The following DOCK3 variants were observed in gnomAD, a reference collection of about 807,000 sequenced individuals.
DOCK3 encodes dedicator of cytokinesis protein 3.
Under a neutral mutation model 265.6 loss-of-function variants are expected in DOCK3, and 60 were observed. That is an observed-to-expected ratio of 0.23 (90% CI 0.18 to 0.28). The LOEUF (loss-of-function observed/expected upper bound fraction) is 0.28. DOCK3 is among the 10% of genes least tolerant of loss of function. The pLI, the probability that DOCK3 is intolerant of heterozygous loss-of-function variation, is 1.00. For synonymous variants in DOCK3, 881 were observed against 938.0 expected, an observed-to-expected ratio of 0.94 and a Z score of 1.11; for missense variants, 1,981 against 2,594.3, an observed-to-expected ratio of 0.76 and a Z score of 5.14.
intron 9 of DOCK3, among the ~76,000 whole-genome samples, chr3:51,131,154 T>A (rs927660734): frequency 2.0e-5 from 3 of 152,132 alleles, no homozygotes; most frequent in Non-Finnish European, 2.9e-5. Context: ...CTATGCCAAT[T>A]ACGCATTCAG....
At chr3:51,020,555 C>A (rs532284691) in intron 5 of DOCK3, among the ~76,000 whole-genome samples, 1 of 151,798 alleles carries the variant, frequency 6.6e-6, no homozygotes, top group African/African-American at 2.4e-5. Context: ...TTTGCTGTAT[C>A]CTGGATGTTA....
chr3:50,969,510 G>A (rs960630705), intron 5 of DOCK3, among the ~76,000 whole-genome samples: 1 of 152,118 alleles, frequency 6.6e-6, no homozygotes, highest in South Asian at 2.1e-4. Flanking sequence ...TTTTGTTCCT[G>A]TCATAATGTT....
At chr3:51,155,271 C>T (rs1315286900) in intron 10 of DOCK3, among the ~76,000 whole-genome samples, 2 of 152,148 alleles carry the variant, frequency 1.3e-5, no homozygotes, top group Non-Finnish European at 2.9e-5. Context: ...CTGTACCCAG[C>T]CCAGCCCTGC....
chr3:51,271,043 C>T, intron 24 of DOCK3, 36 bp downstream of exon 24: 1 of 1,582,800 alleles, frequency 6.3e-7, no homozygotes, highest in Non-Finnish European at 8.6e-7. Flanking sequence ...TCCTTCCTTC[C>T]AGGGGTGTCC....
At chr3:51,195,543 T>C (rs2088232236) in intron 12 of DOCK3, among the ~76,000 whole-genome samples, 1 of 152,086 alleles carries the variant, frequency 6.6e-6, no homozygotes, top group Non-Finnish European at 1.5e-5. Flanking sequence ...GCCTCCCAAG[T>C]AGCTGAGATT....
At chr3:51,084,673 G>A (rs1165860407) in intron 7 of DOCK3, among the ~76,000 whole-genome samples, 1 of 152,062 alleles carries the variant, frequency 6.6e-6, no homozygotes, top group Non-Finnish European at 1.5e-5. Context: ...CTTACTGGTA[G>A]CATACATATA....
At chr3:51,094,196 G>A (rs1213685316) in intron 9 of DOCK3, among the ~76,000 whole-genome samples, 3 of 152,136 alleles carry the variant, frequency 2.0e-5, no homozygotes. Context: ...AATGACTTAG[G>A]GATGATTCCC....
chr3:51,237,432 T>C, intron 20 of DOCK3, 58 bp from the exon 21 acceptor site: 4 of 1,430,552 alleles, frequency 2.8e-6, no homozygotes, highest in Middle Eastern at 1.8e-4. Context: ...TGTTTCCTGC[T>C]GGGGATAGAT....
chr3:51,249,190 G>A lies in DOCK3; in HGVS notation c.2184+2383G>A, dbSNP rs2079026589. The stretch of plus-strand genomic sequence containing the variant: ...CCCGCCAGGCCAGCTGCCCCATCCG[G>A]CAGGGAGGTGGGGGGGTCAGCCCCC... On this transcript the variant is annotated intron_variant, in intron 22 of 52. Transcript: ENST00000266037. 1.4e-5 allele frequency among the ~76,000 whole-genome samples: 2 copies of A among 141,322 alleles called. 1 individual carries two copies. The highest frequency in any genetic ancestry group is 4.6e-4 in the South Asian group (2 of 4,384). The allele number at this position is 141,322 out of a possible 152,430, so 92.7% of individuals were successfully genotyped here.
At chr3:51,009,616 C>T (rs541983231) in intron 5 of DOCK3, among the ~76,000 whole-genome samples, 7 of 152,262 alleles carry the variant, frequency 4.6e-5, no homozygotes, top group Admixed American at 4.6e-4. Context: ...TCTCTATCTC[C>T]TTCAGTTCTG....
intron 2 of DOCK3, among the ~76,000 whole-genome samples, chr3:50,812,127 A>G (rs1026896194): frequency 2.6e-5 from 4 of 152,230 alleles, no homozygotes; most frequent in African/African-American, 9.6e-5. Flanking sequence ...AACCTGTTGG[A>G]TGGTAGAAAA....
rs59382660 is a variant in DOCK3 at position 51,053,078 on chromosome 3, G to GATATATATATATATATAT, written c.316-11343_316-11326dup. Among the ~76,000 whole-genome samples, 27 of 43,802 alleles carry GATATATATATATATATAT rather than the reference G, an allele frequency of 6.2e-4. 2 individuals are homozygous for GATATATATATATATATAT. The highest frequency in any genetic ancestry group is 1.2e-3 in the South Asian group (1 of 802). 28.7% of individuals were successfully genotyped at this position (43,802 alleles called of 152,430 possible). On this transcript the variant is annotated intron_variant, in intron 5 of 52. Transcript: ENST00000266037. Reference sequence around the variant, plus strand: ...AGTTTCATCTTTTAAAAAAGTCAAAGATATATATATATATATATATATATA... The same window carrying GATATATATATATATATAT: ...AGTTTCATCTTTTAAAAAAGTCAAAGATATATATATATATATATATATATATATATATATATATATATA...
intron 5 of DOCK3, among the ~76,000 whole-genome samples, chr3:51,024,818 T>G (rs2079747014): frequency 6.6e-6 from 1 of 152,196 alleles, no homozygotes; most frequent in African/African-American, 2.4e-5. Flanking sequence ...GTAGATAGGC[T>G]TAGTGTGCTG....
At chr3:51,242,452 G>A (rs916280776) in intron 21 of DOCK3, among the ~76,000 whole-genome samples, 3 of 152,172 alleles carry the variant, frequency 2.0e-5, no homozygotes, top group African/African-American at 7.2e-5. Flanking sequence ...ACCTGTGGCA[G>A]AGTGCTAGCA....
At chr3:51,205,745 G>A (rs1266056354) in intron 12 of DOCK3, among the ~76,000 whole-genome samples, 3 of 152,116 alleles carry the variant, frequency 2.0e-5, no homozygotes, top group African/African-American at 7.2e-5. Flanking sequence ...ATTGTTAACA[G>A]CATATAGTAT....
At chr3:50,897,064 A>G (rs1392211662) in intron 4 of DOCK3, among the ~76,000 whole-genome samples, 1 of 152,108 alleles carries the variant, frequency 6.6e-6, no homozygotes. Context: ...GACTCTATAA[A>G]TTACTTTGGG....
At chr3:50,735,234 G>A (rs1471733458) in intron 1 of DOCK3, among the ~76,000 whole-genome samples, 2 of 152,106 alleles carry the variant, frequency 1.3e-5, no homozygotes, top group Non-Finnish European at 2.9e-5. Context: ...TGCTTTCAAC[G>A]TTCTTTGACT....
At chr3:51,198,547 ATAT>A (rs2088468963) in intron 12 of DOCK3, among the ~76,000 whole-genome samples, 1 of 146,622 alleles carries the variant, frequency 6.8e-6, no homozygotes, top group Non-Finnish European at 1.5e-5. Context: ...TTTGAATGTG[ATAT>A]TATTATTTAT....
chr3:50,796,941 C>T lies in DOCK3; in HGVS notation c.121+18183C>T, dbSNP rs566097971. Among the ~76,000 whole-genome samples the T allele has an allele frequency of 3.3e-5, 5 of 152,022 alleles. No homozygotes were observed. The South Asian group carries it at 1.0e-3, about 32-fold the overall frequency. On this transcript the variant is annotated intron_variant, in intron 2 of 52. Coordinates refer to ENST00000266037, the MANE Select transcript of DOCK3 (RefSeq NM_004947.5). ...GTTGTATCCTGACTTTGCTCTCTGA[C>T]TCCTTGAGGTTAGGAATCCACTGTG...
Sources: allele counts gnomAD v4.1 joint callset (sites outside exome capture counted in the v4.1 genomes callset), GRCh38; gene constraint gnomAD v4.1.1; transcripts MANE v1.5; gene names NCBI Gene and HGNC (gene_info 2026-07-23, HGNC 2026-07-21).